ROBO2: variants seen among roughly 807,000 people sequenced by gnomAD.
ROBO2 encodes the protein roundabout guidance receptor 2, also known as roundabout homolog 2.
In ROBO2, 53 loss-of-function variants were observed where a neutral mutation model predicts 160.8. The ratio of observed to expected loss-of-function variants is 0.33; its 90% CI spans 0.26 to 0.41. The LOEUF (loss-of-function observed/expected upper bound fraction) is 0.41. ROBO2 is among the 10% of genes least tolerant of loss of function. The probability of loss-of-function intolerance (pLI) is 1.00; values close to 1 mark genes in which losing one functional copy is unlikely to be tolerated. For missense variants in ROBO2, 1,577 were observed against 1,722.4 expected (o/e 0.92, Z 1.49); for synonymous variants, 664 against 611.7 (o/e 1.09, Z -1.26).
intron 2 of ROBO2, among the ~76,000 whole-genome samples, chr3:77,130,335 C>T (rs879781737): frequency 9.9e-5 from 15 of 152,264 alleles, no homozygotes; most frequent in East Asian, 9.6e-4. Flanking sequence ...TGCTTCTTTA[C>T]GACACATTTT....
At chr3:75,950,189 G>C (rs1948481543) in intron 2 of ROBO2, among the ~76,000 whole-genome samples, 1 of 152,034 alleles carries the variant, frequency 6.6e-6, no homozygotes, top group African/African-American at 2.4e-5. Flanking sequence ...GCTCTCATTT[G>C]TGCAAAGGAA....
chr3:75,972,830 T>A (rs1462873658), intron 2 of ROBO2, among the ~76,000 whole-genome samples: 1 of 151,576 alleles, frequency 6.6e-6, no homozygotes, highest in East Asian at 2.0e-4. Flanking sequence ...ACAAACAACC[T>A]AAGTCCCTCT....
intron 2 of ROBO2, among the ~76,000 whole-genome samples, chr3:77,256,269 A>T (rs67454954): frequency 0.16 from 23,659 of 152,192 alleles, 2,626 homozygotes; most frequent in East Asian, 0.63. Context: ...CATTCTATAA[A>T]TGTAATAAAA....
chr3:76,255,828 C>T (rs147693856), intron 2 of ROBO2, among the ~76,000 whole-genome samples: 14 of 151,736 alleles, frequency 9.2e-5, no homozygotes, highest in South Asian at 2.1e-4. Context: ...CACTTTCCCA[C>T]GTTATTTAGG....
At chr3:76,035,696 A>G (rs1263203239) in intron 2 of ROBO2, among the ~76,000 whole-genome samples, 4 of 152,066 alleles carry the variant, frequency 2.6e-5, no homozygotes, top group Admixed American at 2.0e-4. Flanking sequence ...TGCACCGAGT[A>G]TGTTTTGCAG....
In ROBO2 at chr3:76,594,507, A is replaced by G. The variant is rs527349298; in HGVS notation, c.110-503507A>G. On this transcript the variant is annotated intron_variant, in intron 2 of 26. Transcript: ENST00000487694. ...ATAAATGTATTGGAATTACTCTCAT[A>G]TTTAATATAATTCCTAAAGAGCCTT... Among the ~76,000 whole-genome samples the G allele has an allele frequency of 2.2e-4, 33 of 152,170 alleles. 1 individual carries two copies. In the South Asian group the frequency reaches 6.8e-3, roughly 31 times the overall value.
At chr3:76,375,383 A>C (rs2076292481) in intron 2 of ROBO2, among the ~76,000 whole-genome samples, 5 of 152,030 alleles carry the variant, frequency 3.3e-5, no homozygotes, top group Admixed American at 3.3e-4. Flanking sequence ...GGAGGTCACT[A>C]ACTACTCAAA....
chr3:76,668,572 G>A (rs990165896), intron 2 of ROBO2, among the ~76,000 whole-genome samples: 11 of 152,290 alleles, frequency 7.2e-5, no homozygotes, highest in Admixed American at 3.9e-4. Context: ...TACAACTTGG[G>A]TTGAAGTAAC....
chr3:77,402,517 T>A (rs2075894665), intron 2 of ROBO2, among the ~76,000 whole-genome samples: 1 of 152,146 alleles, frequency 6.6e-6, no homozygotes, highest in Non-Finnish European at 1.5e-5. Context: ...CAGAAACACC[T>A]GAAACCGGTG....
intron 2 of ROBO2, among the ~76,000 whole-genome samples, chr3:75,986,259 T>C (rs1377427116): frequency 6.6e-6 from 1 of 151,626 alleles, no homozygotes; most frequent in Non-Finnish European, 1.5e-5. Context: ...TGTTATGTTC[T>C]TGTAGTTTTG....
chr3:76,243,977 C>T (rs1484549531), intron 2 of ROBO2, among the ~76,000 whole-genome samples: 3 of 151,758 alleles, frequency 2.0e-5, no homozygotes, highest in Non-Finnish European at 4.4e-5. Flanking sequence ...AGCTGGAGGA[C>T]AAATTTGATT....
chr3:76,145,063 T>G (rs1245682567), intron 2 of ROBO2, among the ~76,000 whole-genome samples: 1 of 151,784 alleles, frequency 6.6e-6, no homozygotes, highest in Non-Finnish European at 1.5e-5. Context: ...ATTCCTGTGG[T>G]AGATGATTTG....
At chr3:77,455,909 G>A (rs893113644) in intron 2 of ROBO2, among the ~76,000 whole-genome samples, 3 of 152,058 alleles carry the variant, frequency 2.0e-5, no homozygotes, top group African/African-American at 7.2e-5. Context: ...AAGGAGCTTT[G>A]CCAGTTAAAT....
At chr3:76,702,131 CT>C (rs963329452) in intron 2 of ROBO2, among the ~76,000 whole-genome samples, 1 of 151,882 alleles carries the variant, frequency 6.6e-6, no homozygotes, top group Non-Finnish European at 1.5e-5. Context: ...CTATAATTAG[CT>C]CTTTAATTTT....
chr3:76,346,389 C>T (rs372342840), intron 2 of ROBO2, among the ~76,000 whole-genome samples: 1 of 151,988 alleles, frequency 6.6e-6, no homozygotes, highest in African/African-American at 2.4e-5. Context: ...AAAGCATTGA[C>T]GGTAAGTCTA....
chr3:76,120,723 A>G (rs757406289), intron 2 of ROBO2, among the ~76,000 whole-genome samples: 1 of 152,168 alleles, frequency 6.6e-6, no homozygotes, highest in Non-Finnish European at 1.5e-5. Flanking sequence ...CAATTGTAAA[A>G]GCAATGCCAG....
intron 2 of ROBO2, among the ~76,000 whole-genome samples, chr3:77,300,508 G>A (rs1378949874): frequency 6.6e-6 from 1 of 151,658 alleles, no homozygotes; most frequent in Non-Finnish European, 1.5e-5. Flanking sequence ...TTTTATATCA[G>A]TCTTTGGAAT....
At chr3:76,019,554 T>C (rs887738622) in intron 2 of ROBO2, among the ~76,000 whole-genome samples, 1 of 151,914 alleles carries the variant, frequency 6.6e-6, no homozygotes, top group African/African-American at 2.4e-5. Flanking sequence ...TGAAGTTCCG[T>C]GTATATCTGA....
intron 2 of ROBO2, among the ~76,000 whole-genome samples, chr3:76,127,407 C>T (rs141487832): frequency 6.6e-6 from 1 of 152,018 alleles, no homozygotes; most frequent in East Asian, 1.9e-4. Context: ...CACCAAATGG[C>T]ATCACTGAAA....
Sources: allele counts gnomAD v4.1 joint callset (sites outside exome capture counted in the v4.1 genomes callset), GRCh38; gene constraint gnomAD v4.1.1; transcripts MANE v1.5; gene names NCBI Gene and HGNC (gene_info 2026-07-23, HGNC 2026-07-21).